Variants in TASP1 observed in about 807,000 individuals in gnomAD.
TASP1 encodes threonine aspartase 1.
Under a neutral mutation model 56.6 loss-of-function variants are expected in TASP1, and 16 were observed. The observed-to-expected ratio is 0.28, with a 90% CI of 0.19 to 0.43. TASP1 has a LOEUF of 0.43. Ranked by LOEUF, TASP1 falls within the 20% of genes least tolerant of loss-of-function variation. TASP1 has a pLI of 1.00. For synonymous variants in TASP1, 179 were observed against 184.2 expected (o/e 0.97, Z 0.23); for missense variants, 393 against 511.6 (o/e 0.77, Z 2.24).
At chr20:13,183,188 G>A in the TASP1 span, among the ~76,000 whole-genome samples, 3 of 152,204 alleles carry the variant, frequency 2.0e-5, no homozygotes, top group African/African-American at 7.2e-5. Flanking sequence ...CAAGCCAGAA[G>A]GCTGGATAAT....
intron 4 of TASP1, among the ~76,000 whole-genome samples, chr20:13,587,571 CA>C (rs1307806847): frequency 2.7e-5 from 4 of 147,588 alleles, no homozygotes; most frequent in African/African-American, 9.9e-5. Flanking sequence ...AAATATTGAC[CA>C]AAAAAACATC....
chr20:13,554,019 T>G (rs2046069923), intron 8 of TASP1, among the ~76,000 whole-genome samples: 1 of 152,064 alleles, frequency 6.6e-6, no homozygotes, highest in African/African-American at 2.4e-5. Flanking sequence ...TCCAGAAAAA[T>G]TTTGAATCCC....
chr20:13,232,665 A>G, the TASP1 span, among the ~76,000 whole-genome samples: 583 of 152,380 alleles, frequency 3.8e-3, 5 homozygotes, highest in Middle Eastern at 0.017. Context: ...TGGTTGGATC[A>G]TATAGCAGTT....
the TASP1 span, among the ~76,000 whole-genome samples, chr20:13,382,570 TG>T: frequency 3.3e-5 from 5 of 152,176 alleles, no homozygotes; most frequent in Non-Finnish European, 5.9e-5. Flanking sequence ...TGCTTGAGCC[TG>T]GGAAGTTGAG....
At chr20:13,360,540 C>G in the TASP1 span, among the ~76,000 whole-genome samples, 7 of 152,210 alleles carry the variant, frequency 4.6e-5, no homozygotes, top group South Asian at 1.2e-3. Flanking sequence ...CACCCTGTAG[C>G]CTTTCTGTCC....
At chr20:13,615,366 G>A (rs2048484744) in intron 4 of TASP1, among the ~76,000 whole-genome samples, 2 of 152,124 alleles carry the variant, frequency 1.3e-5, no homozygotes, top group Non-Finnish European at 2.9e-5. Context: ...AAGAACTTCT[G>A]TCAAATGTCT....
At chr20:13,324,999 T>C in the TASP1 span, among the ~76,000 whole-genome samples, 6 of 152,212 alleles carry the variant, frequency 3.9e-5, no homozygotes, top group Non-Finnish European at 8.8e-5. Context: ...TCTTATCCTG[T>C]TAGTGCAGCT....
At chr20:13,231,458 G>C in the TASP1 span, among the ~76,000 whole-genome samples, 2 of 152,148 alleles carry the variant, frequency 1.3e-5, no homozygotes, top group East Asian at 3.9e-4. Context: ...TGATCCCATG[G>C]TCCTTTACTA....
chr20:13,277,702 C>G, the TASP1 span, among the ~76,000 whole-genome samples: 1 of 149,962 alleles, frequency 6.7e-6, no homozygotes, highest in African/African-American at 2.5e-5. Context: ...TACAAATATG[C>G]AAAGGGTGCC....
At chr20:13,120,984 C>G in the TASP1 span, among the ~76,000 whole-genome samples, 1 of 152,244 alleles carries the variant, frequency 6.6e-6, no homozygotes, top group African/African-American at 2.4e-5. Context: ...CTACTTCTCT[C>G]CACCTGTCAG....
the TASP1 span, among the ~76,000 whole-genome samples, chr20:13,135,532 T>A: frequency 2.6e-5 from 4 of 152,246 alleles, no homozygotes; most frequent in African/African-American, 7.2e-5. Context: ...CAATTTCATG[T>A]CAGCTGTTTC....
downstream of TASP1, among the ~76,000 whole-genome samples, chr20:13,384,819 G>A (rs2041152429): frequency 6.6e-6 from 1 of 152,160 alleles, no homozygotes; most frequent in South Asian, 2.1e-4. Context: ...CATATACACA[G>A]GGATTCATTG....
the TASP1 span, among the ~76,000 whole-genome samples, chr20:13,273,296 G>A: frequency 7.6e-6 from 1 of 131,130 alleles, no homozygotes; most frequent in Admixed American, 8.2e-5. Context: ...GTACAGTTGT[G>A]CAATCATGGC....
intron 9 of TASP1, among the ~76,000 whole-genome samples, chr20:13,532,846 C>CT (rs1229505345): frequency 6.6e-6 from 1 of 152,174 alleles, no homozygotes; most frequent in Non-Finnish European, 1.5e-5. Flanking sequence ...CCAAGCTTGA[C>CT]TTTCCTATTG....
the TASP1 span, chr20:13,164,804 C>G: frequency 6.2e-7 from 1 of 1,613,770 alleles, no homozygotes; most frequent in Non-Finnish European, 8.5e-7. Context: ...TGAAATATTC[C>G]CGGCACAAGA....
the TASP1 span, among the ~76,000 whole-genome samples, chr20:13,211,840 G>A: frequency 6.6e-6 from 1 of 152,202 alleles, no homozygotes; most frequent in African/African-American, 2.4e-5. Context: ...GCAAAGAATG[G>A]TTTTTACATT....
chr20:13,432,017 G>T (rs2038436), intron 12 of TASP1, among the ~76,000 whole-genome samples: 2,541 of 152,236 alleles, frequency 0.017, 74 homozygotes, highest in African/African-American at 0.056. Context: ...AAACTACTCA[G>T]ATATTCTGTT....
chr20:13,311,216 T>TGATAGATAGATA, the TASP1 span, among the ~76,000 whole-genome samples: 1,221 of 133,228 alleles, frequency 9.2e-3, 16 homozygotes, highest in Middle Eastern at 0.018. Context: ...TATAGATAGA[T>TGATAGATAGATA]GATAGATAGA....
At chr20:13,224,959 C>T in the TASP1 span, among the ~76,000 whole-genome samples, 8 of 151,168 alleles carry the variant, frequency 5.3e-5, no homozygotes, top group Non-Finnish European at 1.0e-4. Flanking sequence ...CATTCTCCTG[C>T]CTCAGCCTCC....
Sources: allele counts gnomAD v4.1 joint callset (sites outside exome capture counted in the v4.1 genomes callset), GRCh38; gene constraint gnomAD v4.1.1; transcripts MANE v1.5; gene names NCBI Gene and HGNC (gene_info 2026-07-23, HGNC 2026-07-21).